The following FHIP1A variants were observed in gnomAD, a reference collection of about 807,000 sequenced individuals.
The protein encoded by FHIP1A is FHF complex subunit HOOK-interacting protein 1A.
A neutral mutation model predicts 88.6 loss-of-function variants in FHIP1A; 61 were observed. That is an observed-to-expected ratio of 0.69 (90% CI 0.56 to 0.85). The LOEUF (loss-of-function observed/expected upper bound fraction) is 0.85, where lower values mean the gene tolerates loss of function less well. FHIP1A is among the 40% of genes least tolerant of loss of function. FHIP1A has a pLI of 0.00. For missense variants in FHIP1A, 1,154 were observed against 1,273.5 expected, an observed-to-expected ratio of 0.91 and a Z score of 1.43; for synonymous variants, 478 against 496.0, an observed-to-expected ratio of 0.96 and a Z score of 0.48.
At chr4:151,550,778 G>C (rs1251777809) in intron 3 of FHIP1A, among the ~76,000 whole-genome samples, 6 of 152,188 alleles carry the variant, frequency 3.9e-5, no homozygotes, top group Admixed American at 3.9e-4. Context: ...CTCTGAGGTG[G>C]AGATTTGCAT....
intron 1 of FHIP1A, among the ~76,000 whole-genome samples, chr4:151,438,047 AC>A (rs1728265696): frequency 6.6e-6 from 1 of 150,712 alleles, no homozygotes; most frequent in South Asian, 2.1e-4. Context: ...TATTGTCCCC[AC>A]CCCCCAGCCC....
At chr4:151,411,034 C>G (rs981258772) in intron 1 of FHIP1A, among the ~76,000 whole-genome samples, 8 of 152,154 alleles carry the variant, frequency 5.3e-5, no homozygotes, top group African/African-American at 1.9e-4. Context: ...AAATTTAGGT[C>G]CAACTGCCCA....
chr4:151,631,135 CAATA>C (rs1413166813), intron 8 of FHIP1A, among the ~76,000 whole-genome samples: 1 of 151,470 alleles, frequency 6.6e-6, no homozygotes, highest in African/African-American at 2.4e-5. Flanking sequence ...AGAAAGAAAA[CAATA>C]AAGATTAGAG....
intron 8 of FHIP1A, among the ~76,000 whole-genome samples, chr4:151,637,568 A>T (rs376094508): frequency 6.6e-6 from 1 of 152,292 alleles, no homozygotes; most frequent in South Asian, 2.1e-4. Context: ...GTGGCAATGG[A>T]TAAGAAGGAA....
chr4:151,466,031 G>A (rs1729301321), intron 2 of FHIP1A, among the ~76,000 whole-genome samples: 1 of 152,106 alleles, frequency 6.6e-6, no homozygotes, highest in South Asian at 2.1e-4. Flanking sequence ...TAGAAAGAGA[G>A]GAAGTCAAAT....
At chr4:151,637,518 A>G (rs117514499) in intron 8 of FHIP1A, among the ~76,000 whole-genome samples, 7 of 152,280 alleles carry the variant, frequency 4.6e-5, no homozygotes, top group East Asian at 1.9e-4. Context: ...AGGGGTTACT[A>G]TGCAATCTGA....
rs546879891 is a variant in FHIP1A at position 151,549,236 on chromosome 4, C to A, written c.-122-16902C>A. Among the ~76,000 whole-genome samples the A allele has an allele frequency of 2.6e-5, 4 of 152,108 alleles. No homozygotes were observed. In the East Asian group the frequency reaches 7.7e-4, roughly 29 times the overall value. On this transcript the variant is annotated intron_variant, in intron 3 of 13. Transcript: ENST00000435205. ...AACAGACGTAAACTACTGATTCGGA[C>A]TGGTGGGAAAGTTGTTTAGTGAAAC...
At chr4:151,450,048 A>T (rs1173809261) in intron 1 of FHIP1A, among the ~76,000 whole-genome samples, 1 of 152,188 alleles carries the variant, frequency 6.6e-6, no homozygotes, top group East Asian at 1.9e-4. Flanking sequence ...AATAAGATGT[A>T]CTTTGATGGT....
intron 8 of FHIP1A, among the ~76,000 whole-genome samples, chr4:151,631,599 A>G (rs1736160587): frequency 6.6e-6 from 1 of 152,142 alleles, no homozygotes; most frequent in African/African-American, 2.4e-5. Flanking sequence ...TCACAGAGAA[A>G]CCCACTTAAC....
chr4:151,527,652 G>A (rs1056834619), intron 3 of FHIP1A, among the ~76,000 whole-genome samples: 1 of 152,086 alleles, frequency 6.6e-6, no homozygotes, highest in South Asian at 2.1e-4. Flanking sequence ...GGTAACACAG[G>A]GGCTGAGAAG....
At chr4:151,597,100 G>A (rs1006417116) in intron 7 of FHIP1A, among the ~76,000 whole-genome samples, 1 of 152,160 alleles carries the variant, frequency 6.6e-6, no homozygotes, top group Non-Finnish European at 1.5e-5. Context: ...TGGAGGAGAA[G>A]AGGCATTCTG....
At chr4:151,455,207 C>A (rs1413024536) in intron 2 of FHIP1A, among the ~76,000 whole-genome samples, 1 of 152,202 alleles carries the variant, frequency 6.6e-6, no homozygotes, top group Non-Finnish European at 1.5e-5. Flanking sequence ...TGTACACTTA[C>A]TGGTTTGAAA....
At chr4:151,550,309 G>A (rs769702031) in intron 3 of FHIP1A, among the ~76,000 whole-genome samples, 17 of 152,172 alleles carry the variant, frequency 1.1e-4, no homozygotes, top group Non-Finnish European at 1.8e-4. Flanking sequence ...CCTACTATGC[G>A]ATCAAAGAGT....
At position 151,530,126 on chromosome 4, in the gene FHIP1A, A is replaced by G. The variant is rs533465547; in HGVS notation, c.-122-36012A>G. Among the ~76,000 whole-genome samples the G allele has an allele frequency of 2.8e-4, 43 of 152,296 alleles. No individual in the cohort carries two copies. The South Asian group carries it at 8.7e-3, about 31-fold the overall frequency. ...CTCTGGAGTCAATACTGTCCTCACTATAGTACAACTAAATTCAGGATTGGA... is the reference window on the plus strand; with the variant it reads ...CTCTGGAGTCAATACTGTCCTCACTGTAGTACAACTAAATTCAGGATTGGA... On this transcript the variant is annotated intron_variant, in intron 3 of 13. Transcript: ENST00000435205.
chr4:151,667,415 C>T lies in FHIP1A; in HGVS notation c.*4661C>T, dbSNP rs752175933. 3 of 152,158 alleles carry T rather than the reference C, an allele frequency of 2.0e-5. No individual in the cohort carries two copies. The highest frequency in any genetic ancestry group is 2.1e-4 in the South Asian group (1 of 4,824). The allele number at this position is 152,158 out of a possible 1,614,324, so 9.4% of individuals were successfully genotyped here. On this transcript the variant is annotated 3_prime_UTR_variant, in exon 14 of 14. Transcript: ENST00000435205. ...CCCCCCCTTCTTTTTGAATGAACCT[C>T]GTAAACCTAATGCTTTAGAAAGAGC...
chr4:151,639,105 G>A (rs1162664399), intron 9 of FHIP1A, among the ~76,000 whole-genome samples: 1 of 152,046 alleles, frequency 6.6e-6, no homozygotes, highest in Non-Finnish European at 1.5e-5. Context: ...CATTTATAGG[G>A]GACTTTTGCT....
At chr4:151,409,522 T>C (rs961264776) in intron 1 of FHIP1A, 57 bp downstream of exon 1, 2 of 152,354 alleles carry the variant, frequency 1.3e-5, no homozygotes, top group African/African-American at 4.8e-5. Context: ...TTTTAGAGGG[T>C]TGAAGGAGGA....
At chr4:151,463,293 G>A (rs1231778083) in intron 2 of FHIP1A, among the ~76,000 whole-genome samples, 6 of 152,194 alleles carry the variant, frequency 3.9e-5, no homozygotes, top group Non-Finnish European at 8.8e-5. Context: ...CTCTGGTGAT[G>A]CCCTAGCCAA....
At chr4:151,531,473 A>G (rs944550415) in intron 3 of FHIP1A, among the ~76,000 whole-genome samples, 5 of 150,160 alleles carry the variant, frequency 3.3e-5, no homozygotes, top group African/African-American at 9.8e-5. Flanking sequence ...TGATTTTTGT[A>G]GAATCCCTGT....
Sources: allele counts gnomAD v4.1 joint callset (sites outside exome capture counted in the v4.1 genomes callset), GRCh38; gene constraint gnomAD v4.1.1; transcripts MANE v1.5; gene names NCBI Gene and HGNC (gene_info 2026-07-23, HGNC 2026-07-21).